The following WDR7 variants were observed in gnomAD, a reference collection of about 807,000 sequenced individuals.
WDR7 encodes the protein WD repeat-containing protein 7.
In WDR7, 46 loss-of-function variants were observed where a neutral mutation model predicts 169.4. That is an observed-to-expected ratio of 0.27 (90% CI 0.21 to 0.35). The LOEUF is 0.35. Ranked by LOEUF, WDR7 falls within the 10% of genes least tolerant of loss-of-function variation. The pLI, the probability that WDR7 is intolerant of heterozygous loss-of-function variation, is 1.00. For missense variants in WDR7, 1,534 were observed against 1,859.3 expected (o/e 0.83, Z 3.22); for synonymous variants, 612 against 666.8 (o/e 0.92, Z 1.27).
At chr18:56,818,389 A>T (rs2045021880) in intron 20 of WDR7, among the ~76,000 whole-genome samples, 1 of 152,232 alleles carries the variant, frequency 6.6e-6, no homozygotes, top group Non-Finnish European at 1.5e-5. Flanking sequence ...AAGAATGCAA[A>T]TCTAATTTGA....
chr18:56,972,875 T>G (rs551385464), intron 26 of WDR7, among the ~76,000 whole-genome samples: 1 of 152,310 alleles, frequency 6.6e-6, no homozygotes, highest in East Asian at 1.9e-4. Context: ...GTGTTTTGTT[T>G]TGTTTTTAGA....
intron 26 of WDR7, among the ~76,000 whole-genome samples, chr18:57,013,120 TTCC>T (rs1192027333): frequency 2.0e-5 from 3 of 152,168 alleles, no homozygotes; most frequent in Non-Finnish European, 4.4e-5. Flanking sequence ...GATGAAACTG[TTCC>T]TCCTCAGATC....
chr18:56,967,707 T>C (rs8094779), intron 26 of WDR7, among the ~76,000 whole-genome samples: 15,961 of 152,200 alleles, frequency 0.1, 2,663 homozygotes, highest in African/African-American at 0.35. Flanking sequence ...ACAGTCATCC[T>C]TGGGTGGAGT....
chr18:56,787,363 A>C (rs905508163), intron 19 of WDR7, among the ~76,000 whole-genome samples: 2 of 152,232 alleles, frequency 1.3e-5, no homozygotes, highest in South Asian at 4.1e-4. Flanking sequence ...CATTAAACAC[A>C]TAAAAGTCAC....
chr18:56,684,547 A>G (rs1301730417), intron 5 of WDR7, among the ~76,000 whole-genome samples: 2 of 152,176 alleles, frequency 1.3e-5, no homozygotes, highest in African/African-American at 2.4e-5. Flanking sequence ...CTCACTGTAG[A>G]TGATGGGCAG....
At chr18:56,693,878 T>C (rs569092494) in intron 9 of WDR7, among the ~76,000 whole-genome samples, 30 of 151,792 alleles carry the variant, frequency 2.0e-4, no homozygotes, top group Non-Finnish European at 4.0e-4. Flanking sequence ...AGCCTACTTT[T>C]TGTTTTTTTG....
At chr18:56,974,033 T>G (rs1245190444) in intron 26 of WDR7, among the ~76,000 whole-genome samples, 1 of 152,216 alleles carries the variant, frequency 6.6e-6, no homozygotes, top group Non-Finnish European at 1.5e-5. Flanking sequence ...GTTGGTCCAT[T>G]GTTGTAGTTC....
intron 26 of WDR7, among the ~76,000 whole-genome samples, chr18:56,991,366 C>A (rs760456739): frequency 1.1e-4 from 16 of 152,144 alleles, no homozygotes; most frequent in African/African-American, 3.6e-4. Context: ...AGGATGGTCT[C>A]GATCTTCTGA....
intron 12 of WDR7, among the ~76,000 whole-genome samples, chr18:56,701,366 A>G (rs1352875568): frequency 2.0e-5 from 3 of 152,332 alleles, no homozygotes; most frequent in African/African-American, 7.2e-5. Flanking sequence ...TTAAGAGTAT[A>G]TAAAGGTTCA....
At chr18:56,933,897 C>T (rs777566234) in intron 22 of WDR7, among the ~76,000 whole-genome samples, 4 of 152,206 alleles carry the variant, frequency 2.6e-5, no homozygotes, top group Non-Finnish European at 5.9e-5. Context: ...TCCTCTGTAG[C>T]GTGCCTTCCA....
chr18:56,797,313 C>T (rs1467117794), intron 19 of WDR7, among the ~76,000 whole-genome samples: 1 of 151,910 alleles, frequency 6.6e-6, no homozygotes, highest in Non-Finnish European at 1.5e-5. Flanking sequence ...CTGATAAGGC[C>T]CAAAGAGATT....
At position 56,816,102 on chromosome 18, in the gene WDR7, C is replaced by CTTGTTGA. The variant is rs1165567564; in HGVS notation, c.3262_3263insTTGTTGA (p.Gln1088LeufsTer8). ...TGCCTCAGGGCCTGAAGCAAAAGTC[C>CTTGTTGA]AGGAGGAAGAGCATGACCTTGTTGA... On this transcript the variant is annotated frameshift_variant, in exon 20 of 28. Transcript: ENST00000254442. LOFTEE classifies it high-confidence loss of function. The CTTGTTGA allele has an allele frequency of 6.2e-7, 1 of 1,613,844 alleles. No homozygotes were observed. The highest frequency in any genetic ancestry group is 8.5e-7 in the Non-Finnish European group (1 of 1,179,930).
At chr18:56,805,277 C>CTA (rs979216325) in intron 19 of WDR7, among the ~76,000 whole-genome samples, 2 of 151,948 alleles carry the variant, frequency 1.3e-5, no homozygotes, top group Non-Finnish European at 2.9e-5. Context: ...GTAATACTTC[C>CTA]TAACATGATG....
chr18:56,882,660 T>C (rs1269283067), intron 21 of WDR7, among the ~76,000 whole-genome samples: 1 of 152,184 alleles, frequency 6.6e-6, no homozygotes, highest in East Asian at 1.9e-4. Context: ...AGGAGTTCAT[T>C]AGCAAATTTA....
chr18:56,736,420 C>A (rs891142995), intron 14 of WDR7, among the ~76,000 whole-genome samples: 3 of 151,604 alleles, frequency 2.0e-5, no homozygotes, highest in African/African-American at 7.3e-5. Flanking sequence ...TTAAGAAATT[C>A]TTTTTAAGCC....
intron 26 of WDR7, among the ~76,000 whole-genome samples, chr18:57,014,109 T>G (rs1409025266): frequency 6.6e-6 from 1 of 152,020 alleles, no homozygotes; most frequent in East Asian, 1.9e-4. Context: ...GTGGATCACT[T>G]GGGGTCAGGA....
chr18:56,953,722 G>A (rs1375383133), intron 25 of WDR7, among the ~76,000 whole-genome samples: 6 of 152,204 alleles, frequency 3.9e-5, no homozygotes, highest in African/African-American at 1.2e-4. Flanking sequence ...GGAGGGAGCT[G>A]GCAGTTTTGC....
intron 26 of WDR7, among the ~76,000 whole-genome samples, chr18:56,971,167 G>A (rs1224452968): frequency 1.3e-5 from 2 of 151,760 alleles, no homozygotes; most frequent in African/African-American, 4.8e-5. Flanking sequence ...AGCTACTCAG[G>A]AGGCTGAGGC....
chr18:56,902,130 A>G (rs2046411493), intron 21 of WDR7, among the ~76,000 whole-genome samples: 1 of 152,162 alleles, frequency 6.6e-6, no homozygotes, highest in Non-Finnish European at 1.5e-5. Flanking sequence ...CCGGAACTGC[A>G]TATAGCAGTT....
Sources: gnomAD v4.1 joint callset for allele counts (sites outside exome capture counted in the v4.1 genomes callset) on GRCh38, gnomAD v4.1.1 for gene constraint, MANE v1.5 for transcripts, NCBI Gene and HGNC (gene_info 2026-07-23, HGNC 2026-07-21) for gene names.